The following ASCC3 variants were observed in gnomAD, a reference collection of about 807,000 sequenced individuals.
The protein encoded by ASCC3 is activating signal cointegrator 1 complex subunit 3.
ASCC3 carries 158 observed loss-of-function variants against 256.3 expected under a neutral mutation model. That is an observed-to-expected ratio of 0.62 (90% CI 0.54 to 0.70). The LOEUF (loss-of-function observed/expected upper bound fraction) is 0.70. Ranked by LOEUF, ASCC3 falls within the 30% of genes least tolerant of loss-of-function variation. The pLI is 0.00. For missense variants in ASCC3, 2,259 were observed against 2,626.0 expected, an observed-to-expected ratio of 0.86 and a Z score of 3.05; for synonymous variants, 948 against 883.4, an observed-to-expected ratio of 1.07 and a Z score of -1.30.
intron 17 of ASCC3, 86 bp downstream of exon 17, chr6:100,655,606 TGAGGCAA>T: frequency 7.0e-7 from 1 of 1,436,238 alleles, no homozygotes; most frequent in Non-Finnish European, 9.6e-7. Context: ...TCTTTTCAGA[TGAGGCAA>T]GAGCAGCAAA....
At chr6:100,646,813 A>G (rs927123836) in intron 21 of ASCC3, 44 bp from the exon 22 acceptor site, 4 of 1,584,286 alleles carry the variant, frequency 2.5e-6, no homozygotes, top group Non-Finnish European at 3.5e-6. Context: ...CCAGGCAGAA[A>G]AAAGCAATAT....
chr6:100,754,045 G>T (rs1049113886), intron 10 of ASCC3, among the ~76,000 whole-genome samples: 21 of 152,136 alleles, frequency 1.4e-4, no homozygotes, highest in African/African-American at 5.1e-4. Context: ...TTCAATAATT[G>T]TGCTGAAAAT....
intron 36 of ASCC3, among the ~76,000 whole-genome samples, chr6:100,582,479 A>T (rs531641689): frequency 3.3e-4 from 50 of 151,500 alleles, no homozygotes; most frequent in Middle Eastern, 6.8e-3. Flanking sequence ...GCTGAAGGAG[A>T]TTTTGGGCTG....
chr6:100,859,447 C>T (rs1303660742), intron 3 of ASCC3, among the ~76,000 whole-genome samples: 2 of 152,036 alleles, frequency 1.3e-5, no homozygotes, highest in Non-Finnish European at 2.9e-5. Context: ...ATAACTGTCA[C>T]AAATACTGCT....
At chr6:100,784,396 C>T (rs1399890855) in intron 8 of ASCC3, among the ~76,000 whole-genome samples, 2 of 151,846 alleles carry the variant, frequency 1.3e-5, no homozygotes, top group Non-Finnish European at 2.9e-5. Context: ...AAAAAGTATC[C>T]AAGCGAAATA....
intron 25 of ASCC3, among the ~76,000 whole-genome samples, chr6:100,635,808 A>C (rs1323678683): frequency 6.6e-6 from 1 of 152,158 alleles, no homozygotes; most frequent in Admixed American, 6.5e-5. Context: ...GATATTAAAT[A>C]ATATCATGGC....
intron 4 of ASCC3, among the ~76,000 whole-genome samples, chr6:100,820,681 C>T (rs573302911): frequency 2.0e-5 from 3 of 150,104 alleles, no homozygotes; most frequent in African/African-American, 7.3e-5. Flanking sequence ...TAAAGGATAC[C>T]ACCATGAAAG....
intron 14 of ASCC3, 50 bp from the exon 15 acceptor site, chr6:100,662,586 G>T: frequency 3.2e-6 from 5 of 1,567,574 alleles, no homozygotes; most frequent in Non-Finnish European, 4.4e-6. Flanking sequence ...AAAAGCAATT[G>T]TTTTTAGCAT....
chr6:100,551,555 A>G (rs1273082317), intron 36 of ASCC3, among the ~76,000 whole-genome samples: 2 of 151,896 alleles, frequency 1.3e-5, no homozygotes, highest in Non-Finnish European at 2.9e-5. Context: ...TTATTTTTCA[A>G]ATATAAGTTA....
intron 8 of ASCC3, among the ~76,000 whole-genome samples, 185 bp from the exon 9 acceptor site, chr6:100,767,530 C>G (rs530815388): frequency 2.6e-5 from 4 of 152,084 alleles, no homozygotes; most frequent in Non-Finnish European, 5.9e-5. Context: ...TTGTACAATT[C>G]AAGTATACTT....
chr6:100,755,392 G>A (rs556640952), intron 10 of ASCC3, among the ~76,000 whole-genome samples: 2 of 150,420 alleles, frequency 1.3e-5, no homozygotes, highest in Admixed American at 1.3e-4. Context: ...TTTGAGATGA[G>A]GTATTGCTCT....
chr6:100,858,486 C>T (rs1773066744), intron 3 of ASCC3: 1 of 735,000 alleles, frequency 1.4e-6, no homozygotes, highest in Non-Finnish European at 1.7e-6. Flanking sequence ...ACAAAATCCC[C>T]TTCTATTCCT....
At chr6:100,651,502 T>G in intron 19 of ASCC3, 58 bp downstream of exon 19, 1 of 993,084 alleles carries the variant, frequency 1.0e-6, no homozygotes. Context: ...GAACCTTTTA[T>G]AAATGAATGA....
chr6:100,644,143 A>G lies in ASCC3; in HGVS notation c.3634-14T>C, dbSNP rs1775266341. ...TGTCCCATGTACCTAGAAGAAAAATAGCATCCTGCTACTATGCATATCATA... is the reference window on the plus strand; with the variant it reads ...TGTCCCATGTACCTAGAAGAAAAATGGCATCCTGCTACTATGCATATCATA... On this transcript the variant is annotated splice_polypyrimidine_tract_variant and intron_variant, in intron 22 of 41. Coordinates refer to ENST00000369162, the MANE Select transcript of ASCC3 (RefSeq NM_006828.4). 1 of 1,553,108 alleles carries G rather than the reference A, an allele frequency of 6.4e-7. No homozygotes were observed.
intron 10 of ASCC3, among the ~76,000 whole-genome samples, chr6:100,739,454 C>T (rs1188372599): frequency 3.3e-5 from 5 of 152,128 alleles, no homozygotes; most frequent in Admixed American, 2.6e-4. Flanking sequence ...GCTGGCCTCA[C>T]AAAATGAGTT....
At chr6:100,753,126 T>C (rs1781013160) in intron 10 of ASCC3, among the ~76,000 whole-genome samples, 2 of 152,056 alleles carry the variant, frequency 1.3e-5, no homozygotes, top group South Asian at 4.2e-4. Flanking sequence ...AGATCATAGC[T>C]TATTGAAATT....
chr6:100,861,563 A>G (rs1773224378), intron 3 of ASCC3, among the ~76,000 whole-genome samples: 1 of 152,144 alleles, frequency 6.6e-6, no homozygotes. Flanking sequence ...ATTTTCATCC[A>G]GAAGGGACAG....
intron 8 of ASCC3, among the ~76,000 whole-genome samples, chr6:100,776,536 T>C (rs1307868396): frequency 6.6e-6 from 1 of 152,102 alleles, no homozygotes; most frequent in Non-Finnish European, 1.5e-5. Context: ...TATTTGGGAC[T>C]CACTAGACTA....
intron 4 of ASCC3, among the ~76,000 whole-genome samples, chr6:100,847,391 G>A (rs548745313): frequency 2.0e-5 from 3 of 152,212 alleles, no homozygotes; most frequent in African/African-American, 7.2e-5. Flanking sequence ...ACTGATCACA[G>A]AATTAATGAT....
Sources: allele counts gnomAD v4.1 joint callset (sites outside exome capture counted in the v4.1 genomes callset), GRCh38; gene constraint gnomAD v4.1.1; transcripts MANE v1.5; gene names NCBI Gene and HGNC (gene_info 2026-07-23, HGNC 2026-07-21).